The following NDP variants were observed in gnomAD, a reference collection of about 807,000 sequenced individuals.
The protein encoded by NDP is norrin cystine knot growth factor NDP, also known as norrin.
A neutral mutation model predicts 8.4 loss-of-function variants in NDP; 2 were observed. The observed-to-expected ratio is 0.24, with a 90% confidence interval of 0.10 to 0.75. NDP has a LOEUF of 0.75. NDP is among the 30% of genes least tolerant of loss of function. The pLI, the probability that NDP is intolerant of heterozygous loss-of-function variation, is 0.73. For missense variants in NDP, 81 were observed against 110.1 expected (o/e 0.74, Z 1.18); for synonymous variants, 55 against 45.6 (o/e 1.21, Z -0.83).
intron 2 of NDP, among the ~76,000 whole-genome samples, chrX:43,951,663 C>T (rs1380347905): frequency 9.0e-6 from 1 of 111,236 alleles, no homozygotes; most frequent in Admixed American, 9.5e-5. Flanking sequence ...ATAGCCAGTC[C>T]ATCTTTCCAA....
At chrX:43,964,938 G>T (rs1396191185) in intron 1 of NDP, among the ~76,000 whole-genome samples, 1 of 112,066 alleles carries the variant, frequency 8.9e-6, no homozygotes, top group African/African-American at 3.2e-5. Context: ...TCTTACTTAA[G>T]GAGTTAATGA....
chrX:43,964,303 G>A (rs927314245), intron 1 of NDP, among the ~76,000 whole-genome samples: 1 of 111,260 alleles, frequency 9.0e-6, no homozygotes, highest in African/African-American at 3.3e-5. Flanking sequence ...TATGGCCAGG[G>A]AAAGAGGCAA....
At chrX:43,972,363 C>A (rs917786107) in intron 1 of NDP, among the ~76,000 whole-genome samples, 10 of 110,967 alleles carry the variant, frequency 9.0e-5, no homozygotes, top group African/African-American at 3.3e-4. Flanking sequence ...ATCAAACTTC[C>A]CGTCCCCCAA....
intron 1 of NDP, among the ~76,000 whole-genome samples, chrX:43,960,048 G>GCTGT (rs2035817712): frequency 8.9e-6 from 1 of 111,944 alleles, no homozygotes; most frequent in Non-Finnish European, 1.9e-5. Context: ...GCCTCAATTA[G>GCTGT]CTGTCTTGGA....
At chrX:43,961,884 T>C (rs2035828663) in intron 1 of NDP, among the ~76,000 whole-genome samples, 2 of 111,754 alleles carry the variant, frequency 1.8e-5, no homozygotes, top group African/African-American at 6.5e-5. Flanking sequence ...AGTAGCACCA[T>C]CCTGAATTGC....
intron 1 of NDP, among the ~76,000 whole-genome samples, chrX:43,964,908 T>A (rs1426644395): frequency 2.7e-5 from 3 of 112,054 alleles, no homozygotes; most frequent in Non-Finnish European, 5.6e-5. Context: ...CCCAAAGCAA[T>A]CCTACAAAAA....
intron 1 of NDP, among the ~76,000 whole-genome samples, chrX:43,959,712 C>T (rs1186966374): frequency 8.9e-6 from 1 of 111,810 alleles, no homozygotes; most frequent in African/African-American, 3.3e-5. Flanking sequence ...ACTCCCCAGG[C>T]ATAGCCAACA....
chrX:43,961,155 C>T (rs1466170240), intron 1 of NDP, among the ~76,000 whole-genome samples: 1 of 112,456 alleles, frequency 8.9e-6, no homozygotes, highest in Non-Finnish European at 1.9e-5. Context: ...ACAAAGATTC[C>T]GAAGTCTGAT....
intron 1 of NDP, chrX:43,966,521 C>T (rs1436870834): frequency 1.8e-5 from 2 of 111,800 alleles, no homozygotes; most frequent in Non-Finnish European, 3.8e-5. Context: ...ACATAAGACC[C>T]TTTAGAAGGA....
At chrX:43,950,290 A>C (rs1346666252) in intron 2 of NDP, among the ~76,000 whole-genome samples, 1 of 110,391 alleles carries the variant, frequency 9.1e-6, no homozygotes, top group Non-Finnish European at 1.9e-5. Flanking sequence ...GTTTAGAACC[A>C]CTGAATGACG....
chrX:43,966,101 G>C (rs1289001830), intron 1 of NDP, among the ~76,000 whole-genome samples: 1 of 112,356 alleles, frequency 8.9e-6, no homozygotes, highest in Non-Finnish European at 1.9e-5. Context: ...GGTTACCCAA[G>C]TGTCAGGAGG....
chrX:43,953,373 C>A (rs895319828), intron 2 of NDP: 1 of 112,093 alleles, frequency 8.9e-6, no homozygotes, highest in African/African-American at 3.2e-5. Context: ...CTGGAATGTG[C>A]GTGTGAATCA....
rs745531278 is a variant in NDP, at chrX:43,955,685, C to A, written c.174+2787G>T. On this transcript the variant is annotated intron_variant, in intron 2 of 2. Coordinates refer to ENST00000642620, the MANE Select transcript of NDP (RefSeq NM_000266.4). ...AGGAGGTGCCACCACTTAAAACTAT[C>A]AGGCACATCCTAATCTGTGGCCACA... Among the ~76,000 whole-genome samples, 64 of 112,329 alleles carry A rather than the reference C, an allele frequency of 5.7e-4. 1 individual carries two copies. Among genetic ancestry groups the A allele is most frequent in the African/African-American group, 2.0e-3 (63 of 30,943 alleles).
At chrX:43,965,941 G>C (rs751197154) in intron 1 of NDP, among the ~76,000 whole-genome samples, 1 of 111,552 alleles carries the variant, frequency 9.0e-6, no homozygotes, top group Non-Finnish European at 1.9e-5. Flanking sequence ...TGGATCCTGT[G>C]CTGAGTATCT....
rs58114928 is a variant in NDP, at chrX:43,953,127, A to AACACACACAC, written c.175-3111_175-3102dup. ...CAATTATTGAACCATTGATGTTCTC[A>AACACACACAC]ACACACACACACACACACACACACA... On this transcript the variant is annotated intron_variant, in intron 2 of 2. Coordinates refer to ENST00000642620, the MANE Select transcript of NDP (RefSeq NM_000266.4). Among the ~76,000 whole-genome samples, 569 of 98,225 alleles carry AACACACACAC rather than the reference A, an allele frequency of 5.8e-3. 6 individuals carry two copies. Among genetic ancestry groups the AACACACACAC allele is most frequent in the African/African-American group, 0.02 (504 of 25,499 alleles). 85.3% of individuals were successfully genotyped at this position (98,225 alleles called of 115,157 possible).
At chrX:43,950,907 C>T (rs984403689) in intron 2 of NDP, among the ~76,000 whole-genome samples, 15 of 111,179 alleles carry the variant, frequency 1.3e-4, no homozygotes, top group African/African-American at 4.6e-4. Context: ...TACAGCTTAA[C>T]GGAATGGAAA....
intron 1 of NDP, among the ~76,000 whole-genome samples, chrX:43,971,485 A>G (rs777210413): frequency 1.8e-5 from 2 of 111,500 alleles, no homozygotes; most frequent in East Asian, 5.7e-4. Context: ...CTCCACAGGC[A>G]CATTTCCATC....
At chrX:43,950,147 T>C in intron 2 of NDP, 121 bp from the exon 3 acceptor site, 1 of 593,370 alleles carries the variant, frequency 1.7e-6, no homozygotes, top group South Asian at 2.5e-5. Flanking sequence ...GACCAGTGGC[T>C]CAATGCATGT....
intron 2 of NDP, among the ~76,000 whole-genome samples, chrX:43,951,199 C>T (rs1369467861): frequency 9.1e-6 from 1 of 109,417 alleles, no homozygotes; most frequent in Non-Finnish European, 1.9e-5. Context: ...GATCACTTGA[C>T]CCCAGGAGTT....
Sources: gnomAD v4.1 joint callset for allele counts (sites outside exome capture counted in the v4.1 genomes callset) on GRCh38, gnomAD v4.1.1 for gene constraint, MANE v1.5 for transcripts, NCBI Gene and HGNC (gene_info 2026-07-23, HGNC 2026-07-21) for gene names.